STK33: variants seen among roughly 807,000 people sequenced by gnomAD.
The protein encoded by STK33 is serine/threonine-protein kinase 33.
Under a neutral mutation model 58.0 loss-of-function variants are expected in STK33, and 52 were observed. That is an observed-to-expected ratio of 0.90 (90% CI 0.72 to 1.13). STK33 has a LOEUF of 1.13. Ranked by LOEUF, STK33 falls within the 50% of genes most tolerant of loss-of-function variation. The pLI is 0.00. For synonymous variants in STK33, 215 were observed against 200.1 expected (o/e 1.07, Z -0.63); for missense variants, 630 against 604.2 (o/e 1.04, Z -0.45).
At chr11:8,363,651 C>T in the STK33 span, among the ~76,000 whole-genome samples, 22 of 152,354 alleles carry the variant, frequency 1.4e-4, no homozygotes, top group African/African-American at 4.3e-4. Context: ...CACAGCGGTG[C>T]GTGCAGGACA....
At chr11:8,450,798 G>T (rs750322931) in intron 11 of STK33, among the ~76,000 whole-genome samples, 1 of 152,088 alleles carries the variant, frequency 6.6e-6, no homozygotes, top group Non-Finnish European at 1.5e-5. Context: ...ATTTAAATGT[G>T]CAAGGATGGT....
chr11:8,590,908 T>G (rs1289923123), intron 1 of STK33, among the ~76,000 whole-genome samples: 1 of 152,222 alleles, frequency 6.6e-6, no homozygotes, highest in African/African-American at 2.4e-5. Context: ...TAATTTTATA[T>G]TGCATTTTCC....
chr11:8,538,804 C>T (rs1955264010), intron 1 of STK33, among the ~76,000 whole-genome samples: 1 of 152,108 alleles, frequency 6.6e-6, no homozygotes, highest in South Asian at 2.1e-4. Context: ...ATGTCAGCTA[C>T]TTTTTTAAAA....
At chr11:8,397,459 T>C (rs1434738534) in intron 15 of STK33, among the ~76,000 whole-genome samples, 1 of 152,176 alleles carries the variant, frequency 6.6e-6, no homozygotes, top group African/African-American at 2.4e-5. Flanking sequence ...AAACCCCATC[T>C]GTACATCACC....
At chr11:8,351,264 C>T in the STK33 span, among the ~76,000 whole-genome samples, 1 of 152,220 alleles carries the variant, frequency 6.6e-6, no homozygotes, top group Non-Finnish European at 1.5e-5. Context: ...CAAAAACCCA[C>T]TCTGACTGGC....
intron 1 of STK33, chr11:8,565,680 T>C (rs1246981715): frequency 1.3e-5 from 2 of 152,232 alleles, no homozygotes; most frequent in Admixed American, 6.5e-5. Flanking sequence ...CAGTAAGGGA[T>C]AGGTACCATT....
chr11:8,368,944 C>T, the STK33 span, among the ~76,000 whole-genome samples: 1 of 152,150 alleles, frequency 6.6e-6, no homozygotes, highest in Non-Finnish European at 1.5e-5. Flanking sequence ...AGCCCCATTA[C>T]ACAGCTGTTA....
At chr11:8,459,922 C>T (rs1271198336) in intron 8 of STK33, among the ~76,000 whole-genome samples, 1 of 152,184 alleles carries the variant, frequency 6.6e-6, no homozygotes, top group Non-Finnish European at 1.5e-5. Context: ...ATCACTGGAG[C>T]TTACACACAG....
rs113957308 is a variant in STK33, at chr11:8,553,665, GT to G, written c.-466+40417del. ...GCCCACACATTAATAGTCAACTGAT[GT>G]TTTTTTTTACAAAGGTGCCAAGAAC... is the stretch of plus-strand genomic sequence containing the variant. On this transcript the variant is annotated intron_variant, in intron 1 of 15. Coordinates refer to ENST00000687296, the MANE Select transcript of STK33 (RefSeq NM_001352389.2). 1.1e-3 allele frequency among the ~76,000 whole-genome samples: 160 copies of G among 151,310 alleles called. 1 individual carries two copies. Among genetic ancestry groups the G allele is most frequent in the African/African-American group, 3.6e-3 (148 of 41,264 alleles).
At chr11:8,494,587 A>T (rs1266543121) in intron 1 of STK33, among the ~76,000 whole-genome samples, 1 of 152,232 alleles carries the variant, frequency 6.6e-6, no homozygotes, top group East Asian at 1.9e-4. Flanking sequence ...CAGAATTGGA[A>T]AAAACTACTT....
At chr11:8,351,835 T>C in the STK33 span, among the ~76,000 whole-genome samples, 379 of 152,230 alleles carry the variant, frequency 2.5e-3, 3 homozygotes, top group African/African-American at 8.6e-3. Context: ...AGCTCCTCCA[T>C]CCCCTTGGAG....
At chr11:8,388,248 C>T (rs940216562), downstream of STK33, among the ~76,000 whole-genome samples, 2 of 152,134 alleles carry the variant, frequency 1.3e-5, no homozygotes, top group Admixed American at 6.5e-5. Context: ...TGGTGGGAAC[C>T]CCCACCACTC....
intron 12 of STK33, among the ~76,000 whole-genome samples, chr11:8,440,079 A>C (rs1944553780): frequency 6.6e-6 from 1 of 151,880 alleles, no homozygotes; most frequent in Non-Finnish European, 1.5e-5. Flanking sequence ...ATACAGGTGA[A>C]GAGAAATCAA....
intron 1 of STK33, among the ~76,000 whole-genome samples, chr11:8,483,580 C>A (rs1949995717): frequency 2.0e-5 from 3 of 151,992 alleles, no homozygotes; most frequent in African/African-American, 7.3e-5. Context: ...GAGTGGCCAC[C>A]AAATTCAACA....
At chr11:8,486,248 C>G (rs1052469061) in intron 1 of STK33, among the ~76,000 whole-genome samples, 1 of 152,158 alleles carries the variant, frequency 6.6e-6, no homozygotes, top group Non-Finnish European at 1.5e-5. Context: ...AAAGTGATCC[C>G]TTAACATGAC....
the STK33 span, among the ~76,000 whole-genome samples, chr11:8,337,881 C>T: frequency 1.3e-5 from 2 of 152,184 alleles, no homozygotes; most frequent in Non-Finnish European, 2.9e-5. Context: ...CAGTCTCCAC[C>T]CAAATGCAGC....
At chr11:8,473,685 TA>T (rs1948998809) in intron 5 of STK33, among the ~76,000 whole-genome samples, 1 of 152,180 alleles carries the variant, frequency 6.6e-6, no homozygotes, top group Non-Finnish European at 1.5e-5. Context: ...GAAAATAACA[TA>T]GTAACAACTC....
At chr11:8,339,080 G>A in the STK33 span, among the ~76,000 whole-genome samples, 1 of 152,186 alleles carries the variant, frequency 6.6e-6, no homozygotes, top group Non-Finnish European at 1.5e-5. Context: ...AAGCAAGCAA[G>A]GCCCAGGAAT....
At chr11:8,446,095 GT>G (rs1945424895) in intron 11 of STK33, among the ~76,000 whole-genome samples, 1 of 152,076 alleles carries the variant, frequency 6.6e-6, no homozygotes, top group East Asian at 1.9e-4. Flanking sequence ...CTTCTTCCTG[GT>G]TTAGTCTTGG....
Sources: gnomAD v4.1 joint callset for allele counts (sites outside exome capture counted in the v4.1 genomes callset) on GRCh38, gnomAD v4.1.1 for gene constraint, MANE v1.5 for transcripts, NCBI Gene and HGNC (gene_info 2026-07-23, HGNC 2026-07-21) for gene names.